Variants in NOL6 observed in about 807,000 individuals in gnomAD.
NOL6 encodes the protein nucleolar RNA-associated protein.
Under a neutral mutation model 131.7 loss-of-function variants are expected in NOL6, and 33 were observed. The ratio of observed to expected loss-of-function variants is 0.25; its 90% CI spans 0.19 to 0.33. The LOEUF is 0.33. Ranked by LOEUF, NOL6 falls within the 10% of genes least tolerant of loss-of-function variation. NOL6 has a pLI of 1.00. For missense variants in NOL6, 1,297 were observed against 1,494.5 expected (o/e 0.87, Z 2.18); for synonymous variants, 580 against 605.7 (o/e 0.96, Z 0.62).
chr9:33,465,048 C>T lies in NOL6; in HGVS notation c.2682-72G>A. 2.0e-6 allele frequency: 3 copies of T among 1,475,296 alleles called. No individual in the cohort carries two copies. In the South Asian group the frequency reaches 3.5e-5, roughly 17 times the overall value. 91.4% of individuals were successfully genotyped at this position (1,475,296 alleles called of 1,614,324 possible). On this transcript the variant is annotated intron_variant, in intron 20 of 25. Coordinates refer to ENST00000297990, the MANE Select transcript of NOL6 (RefSeq NM_022917.5). Reference sequence around the variant, plus strand: ...CCCAGGCTTCTCTCAGGCTATGGAGCTCAGACCCCCTGGTGTGGATTGGCA... The same window carrying T: ...CCCAGGCTTCTCTCAGGCTATGGAGTTCAGACCCCCTGGTGTGGATTGGCA...
At chr9:33,462,894 T>C (rs894009907) in intron 25 of NOL6, 81 bp from the exon 26 acceptor site, 3 of 1,579,476 alleles carry the variant, frequency 1.9e-6, no homozygotes, top group Non-Finnish European at 2.6e-6. Context: ...AGAGTGGGGG[T>C]GGTGGGGATA....
chr9:33,464,487 C>T (rs117317149), intron 21 of NOL6, among the ~76,000 whole-genome samples: 225 of 152,224 alleles, frequency 1.5e-3, no homozygotes, highest in Non-Finnish European at 2.7e-3. Context: ...GAACCTGACA[C>T]CCTGCTCTCT....
rs1390806701 is a variant in NOL6, at chr9:33,463,933, G to C, written c.2905-13C>G. The C allele has an allele frequency of 6.2e-7, 1 of 1,614,152 alleles. No homozygotes were observed. Among genetic ancestry groups the C allele is most frequent in the Admixed American group, 1.7e-5 (1 of 60,026 alleles). Reference sequence around the variant, plus strand: ...GCTGCTGCAGGATCTGCGGGGTACAGACACATCAGACTGGAACTGAAGTGG... The same window carrying C: ...GCTGCTGCAGGATCTGCGGGGTACACACACATCAGACTGGAACTGAAGTGG... On this transcript the variant is annotated splice_polypyrimidine_tract_variant and intron_variant, in intron 22 of 25. Coordinates refer to ENST00000297990, the MANE Select transcript of NOL6 (RefSeq NM_022917.5).
At position 33,473,904 on chromosome 9, in the gene NOL6, C is replaced by G; in HGVS notation, c.-62G>C. The G allele has an allele frequency of 6.3e-7, 1 of 1,582,520 alleles. No homozygotes were observed. Among genetic ancestry groups the G allele is most frequent in the South Asian group, 1.1e-5 (1 of 89,764 alleles). ...TAGCCGGGTCTATACCTCATAGCTTCCCACGTGGGCGGAAATGCCTAACTC... is the reference window on the plus strand; with the variant it reads ...TAGCCGGGTCTATACCTCATAGCTTGCCACGTGGGCGGAAATGCCTAACTC... On this transcript the variant is annotated 5_prime_UTR_variant, in exon 1 of 26. Transcript: ENST00000297990.
chr9:33,472,553 CAGG>C, intron 1 of NOL6, 141 bp from the exon 2 acceptor site: 1 of 690,102 alleles, frequency 1.4e-6, no homozygotes, highest in Admixed American at 2.5e-5. Flanking sequence ...TTGTAAAACT[CAGG>C]AGAATCGTTA....
Position 33,466,400 on chromosome 9 carries a change from G to A in NOL6, c.2117C>T (p.Pro706Leu). 1.2e-6 allele frequency: 2 copies of A among 1,614,230 alleles called. No individual in the cohort carries two copies. Among genetic ancestry groups the A allele is most frequent in the Non-Finnish European group, 1.7e-6 (2 of 1,180,044 alleles). Reference sequence around the variant, plus strand: ...CAGAGTCTCATAGAAGGAGAAGGCTGGACGGACTGGAGTTGGTGGGAACAC... The same window carrying A: ...CAGAGTCTCATAGAAGGAGAAGGCTAGACGGACTGGAGTTGGTGGGAACAC... ...TEVFPPTPVR[P>L]AFSFYETLRE... is the part of the protein sequence containing the mutation. The change falls in exon 17 of 26, where the codon CCA becomes CTA. Residue 706 changes from proline (P) to leucine (L), a missense_variant. Coordinates refer to ENST00000297990, the MANE Select transcript of NOL6 (RefSeq NM_022917.5).
At chr9:33,472,654 G>C in intron 1 of NOL6, 1 of 555,058 alleles carries the variant, frequency 1.8e-6, no homozygotes, top group Non-Finnish European at 3.2e-6. Context: ...ATGGAGCTCT[G>C]TTTGGAATTG....
In NOL6 at chr9:33,464,243, C is replaced by A. The variant is rs960789579; in HGVS notation, c.2780-82G>T. On this transcript the variant is annotated intron_variant, in intron 21 of 25. Coordinates refer to ENST00000297990, the MANE Select transcript of NOL6 (RefSeq NM_022917.5). The stretch of plus-strand genomic sequence containing the variant: ...CTCCCCCAGGTCCTCCTACGGTGCC[C>A]CCAACGGCTGCTCATCACAGGTATT... The A allele has an allele frequency of 2.6e-5, 39 of 1,474,022 alleles. No individual in the cohort carries two copies. The Admixed American group carries it at 5.2e-4, about 20-fold the overall frequency. The allele number at this position is 1,474,022 out of a possible 1,614,324, so 91.3% of individuals were successfully genotyped here.
Position 33,465,350 on chromosome 9 carries a change from C to T in NOL6, c.2538G>A (p.Gln846=), listed in dbSNP as rs913631645. 8 of 1,586,414 alleles carry T rather than the reference C, an allele frequency of 5.0e-6. No individual in the cohort carries two copies. The highest frequency in any genetic ancestry group is 6.0e-6 in the Non-Finnish European group (7 of 1,164,816). Residue 846 remains glutamine (Q), a synonymous_variant, in exon 20 of 26, where the codon CAG becomes CAA. Coordinates refer to ENST00000297990, the MANE Select transcript of NOL6 (RefSeq NM_022917.5). ...CCACACCAGAGAAGGCTGGGTGCTG[C>T]TGCTGCAGTCTGCAGAGAGAAGGGG... The part of the protein sequence containing the change: ...LLTSALHGLQ[Q]QHPAFSGVAR...
intron 1 of NOL6, 90 bp from the exon 2 acceptor site, chr9:33,472,502 G>T: frequency 1.0e-6 from 1 of 976,286 alleles, no homozygotes; most frequent in Non-Finnish European, 1.6e-6. Context: ...GTGGGTAAAA[G>T]CTTCACCTGC....
In NOL6 at chr9:33,463,023, G is replaced by A. The variant is rs1180702751; in HGVS notation, c.3291+10C>T. 1.2e-6 allele frequency: 2 copies of A among 1,610,214 alleles called. No homozygotes were observed. Among genetic ancestry groups the A allele is most frequent in the African/African-American group, 2.7e-5 (2 of 74,776 alleles). On this transcript the variant is annotated intron_variant, in intron 25 of 25. Transcript: ENST00000297990. ...ACACTCAGGAACACAGCTGTCACCA[G>A]CCAGCACACCTTGAAGGGCTGCGGC...
Position 33,468,524 on chromosome 9 carries a change from C to T in NOL6, c.1190G>A (p.Ser397Asn). 1.2e-6 allele frequency: 2 copies of T among 1,614,110 alleles called. No individual in the cohort carries two copies. The highest frequency in any genetic ancestry group is 1.7e-6 in the Non-Finnish European group (2 of 1,180,004). Residue 397 changes from serine to asparagine, a missense_variant, in exon 9 of 26, where the codon AGC becomes AAC. Transcript: ENST00000297990. ...LTVNGISLCL[S>N]SDPSLPALAD... Reference sequence around the variant, plus strand: ...CCAACTCACCAAAGAGGGATCTGAGCTGAGACATAAACTGATCCCGTTGAC... The same window carrying T: ...CCAACTCACCAAAGAGGGATCTGAGTTGAGACATAAACTGATCCCGTTGAC...
In NOL6 at chr9:33,472,346, A is replaced by G. The variant is rs1827436310; in HGVS notation, c.121T>C (p.Leu41=). 1 of 1,614,180 alleles carries G rather than the reference A, an allele frequency of 6.2e-7. No homozygotes were observed. The highest frequency in any genetic ancestry group is 2.2e-5 in the East Asian group (1 of 44,884). ...GKKASSRKRT[L]AEPPAKGLLQ... ...AGGCCCTTCGCTGGAGGTTCAGCCA[A>G]TGTACGCTTCCTGGAGGATGCTTTC... The change falls in exon 2 of 26, where the codon TTG becomes CTG. Residue 41 remains leucine, a synonymous_variant. Transcript: ENST00000297990.
Position 33,466,444 on chromosome 9 carries a change from T to G in NOL6, c.2092-19A>C. 6.2e-7 allele frequency: 1 copy of G among 1,613,660 alleles called. No homozygotes were observed. The highest frequency in any genetic ancestry group is 8.5e-7 in the Non-Finnish European group (1 of 1,179,622). ...GGAACACCTGTGGAAGAAGAGGGGC[T>G]GAGGAATGGGCCTAGGACTGGGAGG... On this transcript the variant is annotated intron_variant, in intron 16 of 25. Coordinates refer to ENST00000297990, the MANE Select transcript of NOL6 (RefSeq NM_022917.5).
rs1827431458 is a variant in NOL6, at chr9:33,472,239, C to T, written c.228G>A (p.Glu76=). 4.3e-6 allele frequency: 7 copies of T among 1,614,226 alleles called. No homozygotes were observed. Among genetic ancestry groups the T allele is most frequent in the Non-Finnish European group, 5.9e-6 (7 of 1,180,036 alleles). ...NEELNRLRET[E]ILFHSSLLRL... Reference sequence around the variant, plus strand: ...GAAGCAAGCTGGAGTGGAACAAGATCTCAGTCTCCCGAAGGCGATTAAGCT... The same window carrying T: ...GAAGCAAGCTGGAGTGGAACAAGATTTCAGTCTCCCGAAGGCGATTAAGCT... Residue 76 remains glutamate, a synonymous_variant, in exon 2 of 26, where the codon GAG becomes GAA. Transcript: ENST00000297990.
In NOL6 at chr9:33,466,922, C is replaced by T. The variant is rs768527815; in HGVS notation, c.1940G>A (p.Gly647Asp). The change falls in exon 15 of 26, where the codon GGC (glycine) becomes GAC (aspartate). Residue 647 changes from glycine (G) to aspartate (D), a missense_variant. Coordinates refer to ENST00000297990, the MANE Select transcript of NOL6 (RefSeq NM_022917.5). The stretch of plus-strand genomic sequence containing the variant: ...CCCCAAGACCCTTACCTCTTTCAGG[C>T]CTTGGATAAGTGCATCCAGGGGGCC... The part of the protein sequence containing the change: ...VGGPLDALIQ[G>D]LKETSSTGEE... The T allele has an allele frequency of 3.7e-6, 6 of 1,614,042 alleles. No individual in the cohort carries two copies. The highest frequency in any genetic ancestry group is 5.1e-6 in the Non-Finnish European group (6 of 1,179,970).
chr9:33,468,417 G>T lies in NOL6; in HGVS notation c.1212C>A (p.Ala404=). The part of the protein sequence containing the change: ...LCLSSDPSLP[A]LADFHQAFSV... ...AGAAGGCCTGGTGGAAGTCAGCCAG[G>T]GCCGGCTTGGGGGGTGTAGAGAGAA... The change falls in exon 10 of 26, where the codon GCC becomes GCA. Residue 404 remains alanine (A), a synonymous_variant. Transcript: ENST00000297990. The T allele has an allele frequency of 6.2e-7, 1 of 1,614,136 alleles. No homozygotes were observed. The highest frequency in any genetic ancestry group is 1.1e-5 in the South Asian group (1 of 91,086).
Position 33,472,391 on chromosome 9 carries a change from C to T in NOL6, c.76G>A (p.Gly26Ser), listed in dbSNP as rs1473355826. The change falls in exon 2 of 26, where the codon GGC (glycine) becomes AGC (serine). Residue 26 changes from glycine to serine, a missense_variant. Physicochemically the swap from Gly to Ser is moderately conservative, Grantham distance 56. Coordinates refer to ENST00000297990, the MANE Select transcript of NOL6 (RefSeq NM_022917.5). ...EPEVMEPALEGTGKEGKKASS... is the reference protein window; with the variant it reads ...EPEVMEPALESTGKEGKKASS... ...GCTTTCTTCCCCTCTTTGCCTGTGC[C>T]TTCCAGGGCTGGTTCCATCACCTGT... is the stretch of plus-strand genomic sequence containing the variant. 6 of 1,613,872 alleles carry T rather than the reference C, an allele frequency of 3.7e-6. No homozygotes were observed. The highest frequency in any genetic ancestry group is 5.1e-6 in the Non-Finnish European group (6 of 1,179,990).
At chr9:33,462,964 A>C in intron 25 of NOL6, 69 bp downstream of exon 25, 1 of 1,543,818 alleles carries the variant, frequency 6.5e-7, no homozygotes. Flanking sequence ...CAGACTACAC[A>C]CAGACATGCA....
Sources: allele counts gnomAD v4.1 joint callset (sites outside exome capture counted in the v4.1 genomes callset), GRCh38; gene constraint gnomAD v4.1.1; transcripts MANE v1.5; gene names NCBI Gene and HGNC (gene_info 2026-07-23, HGNC 2026-07-21).